The following EFCAB7 variants were observed in gnomAD, a reference collection of about 807,000 sequenced individuals.
EFCAB7 encodes EF-hand calcium-binding domain-containing protein 7.
EFCAB7 carries 66 observed loss-of-function variants against 77.1 expected under a neutral mutation model. That is an observed-to-expected ratio of 0.86 (90% CI 0.70 to 1.05). The LOEUF is 1.05. Ranked by LOEUF, EFCAB7 falls within the 50% of genes least tolerant of loss-of-function variation. EFCAB7 has a pLI of 0.00. For synonymous variants in EFCAB7, 225 were observed against 243.3 expected, an observed-to-expected ratio of 0.92 and a Z score of 0.70; for missense variants, 638 against 730.5, an observed-to-expected ratio of 0.87 and a Z score of 1.46.
At chr1:63,536,019 TA>T (rs1324882639) in intron 6 of EFCAB7, among the ~76,000 whole-genome samples, 1 of 152,140 alleles carries the variant, frequency 6.6e-6, no homozygotes, top group African/African-American at 2.4e-5. Flanking sequence ...AATTAGTCTG[TA>T]AGTCATAACG....
chr1:63,572,660 G>T lies in EFCAB7; in HGVS notation c.*144G>T. On this transcript the variant is annotated 3_prime_UTR_variant, in exon 14 of 14. Coordinates refer to ENST00000371088, the MANE Select transcript of EFCAB7 (RefSeq NM_032437.4). ...CATTTTCATTTTATGTCCATGGTAT[G>T]TACTTTATTATTAAAATATAAATAA... 9.7e-7 allele frequency: 1 copy of T among 1,034,776 alleles called. No individual in the cohort carries two copies. Among genetic ancestry groups the T allele is most frequent in the Non-Finnish European group, 1.2e-6 (1 of 804,416 alleles). 64.1% of individuals were successfully genotyped at this position (1,034,776 alleles called of 1,614,324 possible). A position where few individuals can be genotyped will look rare whatever the true frequency, so the allele number is the denominator to read the frequency against.
intron 13 of EFCAB7, 65 bp downstream of exon 13, chr1:63,571,193 G>C (rs558722952): frequency 2.1e-4 from 219 of 1,038,964 alleles, no homozygotes; most frequent in Non-Finnish European, 2.8e-4. Flanking sequence ...TGCTATTAAT[G>C]CTATGAGTAA....
chr1:63,577,911 C>T, the EFCAB7 span, among the ~76,000 whole-genome samples: 1 of 152,040 alleles, frequency 6.6e-6, no homozygotes. Flanking sequence ...TAGTTTGAAG[C>T]TAAGTAGTGC....
chr1:63,566,333 C>T (rs1288872718), intron 11 of EFCAB7, among the ~76,000 whole-genome samples: 1 of 152,174 alleles, frequency 6.6e-6, no homozygotes, highest in East Asian at 1.9e-4. Flanking sequence ...ACAACACACA[C>T]TAGAGCCTAT....
chr1:63,547,335 A>C (rs1412905754), intron 7 of EFCAB7: 1 of 152,174 alleles, frequency 6.6e-6, no homozygotes, highest in African/African-American at 2.4e-5. Context: ...AAAAGACAAA[A>C]ATCCCTGCCC....
intron 3 of EFCAB7, among the ~76,000 whole-genome samples, 174 bp from the exon 4 acceptor site, chr1:63,532,496 G>A (rs1030809583): frequency 5.9e-5 from 9 of 152,010 alleles, no homozygotes; most frequent in African/African-American, 2.2e-4. Context: ...TAATAAAATT[G>A]TGAAATTTAT....
At chr1:63,534,049 G>T in intron 5 of EFCAB7, 46 bp from the exon 6 acceptor site, 1 of 1,607,342 alleles carries the variant, frequency 6.2e-7, no homozygotes, top group South Asian at 1.1e-5. Flanking sequence ...AACTCCTATT[G>T]ACAACTTTTC....
intron 2 of EFCAB7, among the ~76,000 whole-genome samples, chr1:63,526,593 C>G (rs1054537757): frequency 6.6e-6 from 1 of 152,076 alleles, no homozygotes; most frequent in Non-Finnish European, 1.5e-5. Context: ...TATTTGATGT[C>G]TAAATAAAAT....
chr1:63,545,729 C>G (rs1646889749), intron 6 of EFCAB7, among the ~76,000 whole-genome samples, 187 bp from the exon 7 acceptor site: 1 of 152,202 alleles, frequency 6.6e-6, no homozygotes, highest in African/African-American at 2.4e-5. Context: ...GCGTGAGCCA[C>G]CATGCCCTGT....
intron 8 of EFCAB7, 30 bp from the exon 9 acceptor site, chr1:63,555,328 G>A (rs751591412): frequency 1.3e-6 from 2 of 1,583,298 alleles, no homozygotes; most frequent in Non-Finnish European, 1.7e-6. Flanking sequence ...TAAGACTGAT[G>A]ATTGTTTTAT....
the EFCAB7 span, among the ~76,000 whole-genome samples, chr1:63,580,673 C>T: frequency 6.6e-6 from 1 of 152,120 alleles, no homozygotes; most frequent in Non-Finnish European, 1.5e-5. Flanking sequence ...TTGGGGGGAA[C>T]TGGCATGTTT....
chr1:63,543,131 A>G (rs906613224), intron 6 of EFCAB7, among the ~76,000 whole-genome samples: 5 of 152,202 alleles, frequency 3.3e-5, no homozygotes, highest in African/African-American at 1.2e-4. Flanking sequence ...ATAAGATAAG[A>G]GCCCAAATTT....
rs1281061995 is a variant in EFCAB7 at position 63,556,373 on chromosome 1, TCAAAA to T, written c.1215-733_1215-729del. Among the ~76,000 whole-genome samples the T allele has an allele frequency of 3.3e-5, 5 of 152,128 alleles. No individual in the cohort carries two copies. The South Asian group carries it at 6.2e-4, about 19-fold the overall frequency. On this transcript the variant is annotated intron_variant, in intron 9 of 13. Transcript: ENST00000371088. ...ACATTGTACACCATAAATATATATA[TCAAAA>T]CAAAACAGCTCATTCTCTAGGCATC...
chr1:63,571,119 A>C lies in EFCAB7; in HGVS notation c.1806A>C (p.Lys602Asn). Residue 602 changes from lysine (K) to asparagine (N), a missense_variant, in exon 13 of 14, where the codon AAA (lysine) becomes AAC (asparagine). Physicochemically the swap from Lys to Asn is moderately conservative, Grantham distance 94. Coordinates refer to ENST00000371088, the MANE Select transcript of EFCAB7 (RefSeq NM_032437.4). Reference sequence around the variant, plus strand: ...TATTTGCAGTAGAAGTGGGACCCAAATCTACAATGGTAATGTATTATTTTC... The same window carrying C: ...TATTTGCAGTAGAAGTGGGACCCAACTCTACAATGGTAATGTATTATTTTC... ...LNIFAVEVGP[K>N]STMVCQHVMP... 1 of 1,604,612 alleles carries C rather than the reference A, an allele frequency of 6.2e-7. No individual in the cohort carries two copies. The highest frequency in any genetic ancestry group is 8.5e-7 in the Non-Finnish European group (1 of 1,173,834).
intron 6 of EFCAB7, among the ~76,000 whole-genome samples, chr1:63,542,363 A>T (rs1378766605): frequency 1.3e-5 from 2 of 152,180 alleles, no homozygotes; most frequent in East Asian, 3.9e-4. Flanking sequence ...GTCAATTGAC[A>T]TTAGGGTTGT....
intron 10 of EFCAB7, among the ~76,000 whole-genome samples, chr1:63,559,301 CAAAAAAAAAAAAAA>C (rs71052490): frequency 1.6e-5 from 1 of 62,236 alleles, no homozygotes; most frequent in African/African-American, 6.5e-5. Context: ...GACTCTGTCT[CAAAAAAAAAAAAAA>C]AAAAAAAAAA....
downstream of EFCAB7, among the ~76,000 whole-genome samples, chr1:63,575,242 CAT>C (rs1373148298): frequency 2.6e-5 from 4 of 151,824 alleles, no homozygotes; most frequent in South Asian, 6.2e-4. Context: ...TGAGTCATGA[CAT>C]ATTCTTAAAT....
chr1:63,574,714 G>A (rs1443797208), downstream of EFCAB7, among the ~76,000 whole-genome samples: 1 of 152,160 alleles, frequency 6.6e-6, no homozygotes, highest in Non-Finnish European at 1.5e-5. Context: ...TTGTTAAAGA[G>A]GCATTAATGA....
downstream of EFCAB7, among the ~76,000 whole-genome samples, chr1:63,575,019 T>C (rs1280018969): frequency 6.6e-6 from 1 of 152,174 alleles, no homozygotes; most frequent in Non-Finnish European, 1.5e-5. Context: ...AAATTAAAAC[T>C]AGAAATATAA....
Sources: gnomAD v4.1 joint callset for allele counts (sites outside exome capture counted in the v4.1 genomes callset) on GRCh38, gnomAD v4.1.1 for gene constraint, MANE v1.5 for transcripts, NCBI Gene and HGNC (gene_info 2026-07-23, HGNC 2026-07-21) for gene names.